Variants in CERKL observed in about 807,000 individuals in gnomAD.
CERKL encodes the protein CERK like autophagy regulator.
Under a neutral mutation model 63.4 loss-of-function variants are expected in CERKL, and 61 were observed. That is an observed-to-expected ratio of 0.96 (90% CI 0.78 to 1.19). The LOEUF is 1.19. Among genes scored for constraint, CERKL ranks in the 50% most tolerant of loss-of-function variants. The probability of loss-of-function intolerance (pLI) is 0.00; values close to 1 mark genes in which losing one functional copy is unlikely to be tolerated. For missense variants in CERKL, 675 were observed against 655.5 expected (o/e 1.03, Z -0.33); for synonymous variants, 250 against 230.5 (o/e 1.08, Z -0.77).
chr2:181,596,632 T>C (rs953953418), intron 2 of CERKL, among the ~76,000 whole-genome samples: 3 of 152,352 alleles, frequency 2.0e-5, no homozygotes, highest in Middle Eastern at 3.4e-3. Context: ...TAACTTTTAA[T>C]AATATTTAAT....
intron 2 of CERKL, among the ~76,000 whole-genome samples, chr2:181,598,445 C>T (rs1685312166): frequency 1.3e-5 from 2 of 151,946 alleles, no homozygotes; most frequent in Admixed American, 1.3e-4. Flanking sequence ...AGCTAGTGCA[C>T]CTCCCCCTAT....
At chr2:181,576,024 C>T (rs957847889) in intron 2 of CERKL, among the ~76,000 whole-genome samples, 2 of 151,972 alleles carry the variant, frequency 1.3e-5, no homozygotes, top group Non-Finnish European at 2.9e-5. Context: ...CATGAAAGGA[C>T]GCAGATGGAA....
At chr2:181,647,398 G>A (rs748060496) in intron 1 of CERKL, among the ~76,000 whole-genome samples, 15 of 152,098 alleles carry the variant, frequency 9.9e-5, no homozygotes, top group Admixed American at 3.9e-4. Flanking sequence ...TCAGCCCTCC[G>A]AGCCTGCAAG....
At chr2:181,556,413 G>GC (rs1688208007) in intron 5 of CERKL, among the ~76,000 whole-genome samples, 1 of 151,746 alleles carries the variant, frequency 6.6e-6, no homozygotes, top group Non-Finnish European at 1.5e-5. Flanking sequence ...CCCACAACAG[G>GC]CCCCAGTGTG....
intron 2 of CERKL, among the ~76,000 whole-genome samples, chr2:181,598,506 C>A (rs1029775779): frequency 6.6e-6 from 1 of 152,142 alleles, no homozygotes; most frequent in African/African-American, 2.4e-5. Flanking sequence ...AACAGAATCT[C>A]TTCCTGTCAC....
intron 2 of CERKL, among the ~76,000 whole-genome samples, chr2:181,588,828 C>T (rs1464740561): frequency 6.6e-6 from 1 of 152,152 alleles, no homozygotes; most frequent in African/African-American, 2.4e-5. Flanking sequence ...TTGCATTTCC[C>T]TGATTGTTAG....
In CERKL at chr2:181,648,060, A is replaced by G. The variant is rs1034316478; in HGVS notation, c.238+8709T>C. ...AAAAACTAAGCAAAGAAATTTTTGC[A>G]TTATAGAACTGGCAGATGGAGAAAA... On this transcript the variant is annotated intron_variant, in intron 1 of 12. Transcript: ENST00000410087. Among the ~76,000 whole-genome samples the G allele has an allele frequency of 4.6e-5, 7 of 152,300 alleles. 1 individual carries two copies. The South Asian group carries it at 1.2e-3, about 27-fold the overall frequency.
chr2:181,570,835 A>G (rs1394229325), intron 3 of CERKL, among the ~76,000 whole-genome samples: 1 of 152,140 alleles, frequency 6.6e-6, no homozygotes, highest in African/African-American at 2.4e-5. Flanking sequence ...TTTATATAGC[A>G]CTATTTCCTA....
At chr2:181,578,353 G>A (rs1160153704) in intron 2 of CERKL, among the ~76,000 whole-genome samples, 1 of 152,150 alleles carries the variant, frequency 6.6e-6, no homozygotes, top group Non-Finnish European at 1.5e-5. Flanking sequence ...AAGCTGGAGT[G>A]CAGTGGCATG....
chr2:181,544,103 C>T (rs1361060714), intron 11 of CERKL, among the ~76,000 whole-genome samples: 1 of 152,040 alleles, frequency 6.6e-6, no homozygotes, highest in South Asian at 2.1e-4. Context: ...GGATCATTTT[C>T]CTAATAATCA....
chr2:181,639,140 T>C (rs1479375942), intron 1 of CERKL, among the ~76,000 whole-genome samples: 1 of 152,168 alleles, frequency 6.6e-6, no homozygotes, highest in African/African-American at 2.4e-5. Context: ...CTATAAAGAT[T>C]ATTTTAAATT....
rs149142608 is a variant in CERKL, at chr2:181,654,645, C to A, written c.238+2124G>T. On this transcript the variant is annotated intron_variant, in intron 1 of 12. Coordinates refer to ENST00000410087, the MANE Select transcript of CERKL (RefSeq NM_201548.5). The stretch of plus-strand genomic sequence containing the variant: ...CTACCATATCATGTCCTCCCAAGTA[C>A]AGTAACTTTGATGTAGCTCCCTCTT... Among the ~76,000 whole-genome samples, 93 of 152,306 alleles carry A rather than the reference C, an allele frequency of 6.1e-4. 1 individual carries two copies. The highest frequency in any genetic ancestry group is 6.8e-3 in the Middle Eastern group (2 of 294).
chr2:181,577,094 G>T (rs55916031), intron 2 of CERKL, among the ~76,000 whole-genome samples: 55,361 of 151,946 alleles, frequency 0.36, 10,415 homozygotes, highest in African/African-American at 0.44. Flanking sequence ...TTTATAACAG[G>T]TTCCCAGGTG....
At position 181,589,257 on chromosome 2, in the gene CERKL, A is replaced by G. The variant is rs112227309; in HGVS notation, c.481+14580T>C. 8.0e-3 allele frequency among the ~76,000 whole-genome samples: 1,220 copies of G among 152,336 alleles called. 19 individuals are homozygous for G. Among genetic ancestry groups the G allele is most frequent in the African/African-American group, 0.028 (1,147 of 41,576 alleles). On this transcript the variant is annotated intron_variant, in intron 2 of 12. Transcript: ENST00000410087. ...CCATTTGCCCAATTGTATGATGTAT[A>G]AAAACTACTTTCAGAAAAGTGGCAG...
At chr2:181,551,759 A>G (rs1314104786) in intron 5 of CERKL, among the ~76,000 whole-genome samples, 1 of 152,146 alleles carries the variant, frequency 6.6e-6, no homozygotes, top group African/African-American at 2.4e-5. Flanking sequence ...TATACATCTT[A>G]TACACATAGC....
intron 11 of CERKL, among the ~76,000 whole-genome samples, chr2:181,539,769 T>G (rs1687409713): frequency 6.6e-6 from 1 of 152,212 alleles, no homozygotes; most frequent in Non-Finnish European, 1.5e-5. Context: ...GGTGTTTGCC[T>G]GCCCCATTCC....
At chr2:181,621,412 A>C (rs1336645197) in intron 1 of CERKL, among the ~76,000 whole-genome samples, 1 of 152,212 alleles carries the variant, frequency 6.6e-6, no homozygotes, top group African/African-American at 2.4e-5. Flanking sequence ...TTTGAAGTAA[A>C]ACAAAATTTT....
At chr2:181,616,578 A>C (rs1306723889) in intron 1 of CERKL, among the ~76,000 whole-genome samples, 3 of 152,204 alleles carry the variant, frequency 2.0e-5, no homozygotes, top group Non-Finnish European at 4.4e-5. Context: ...CCTATGATGT[A>C]AAAGTGACAT....
intron 2 of CERKL, among the ~76,000 whole-genome samples, chr2:181,576,319 A>G (rs1684211978): frequency 6.6e-6 from 1 of 151,550 alleles, no homozygotes; most frequent in African/African-American, 2.4e-5. Flanking sequence ...AAATATTTAT[A>G]TATTCTTAAA....
Sources: gnomAD v4.1 joint callset for allele counts (sites outside exome capture counted in the v4.1 genomes callset) on GRCh38, gnomAD v4.1.1 for gene constraint, MANE v1.5 for transcripts, NCBI Gene and HGNC (gene_info 2026-07-23, HGNC 2026-07-21) for gene names.